EGFR: variants seen among roughly 807,000 people sequenced by gnomAD.
EGFR encodes the protein avian erythroblastic leukemia viral (v-erb-b) oncogene homolog.
Under a neutral mutation model 143.0 loss-of-function variants are expected in EGFR, and 58 were observed. The observed-to-expected ratio is 0.41, with a 90% CI of 0.33 to 0.50. The LOEUF (loss-of-function observed/expected upper bound fraction) is 0.50, where lower values mean the gene tolerates loss of function less well. EGFR is among the 20% of genes least tolerant of loss of function. The probability of loss-of-function intolerance (pLI) is 0.39; values close to 1 mark genes in which losing one functional copy is unlikely to be tolerated. For synonymous variants in EGFR, 613 were observed against 594.4 expected, an observed-to-expected ratio of 1.03 and a Z score of -0.45; for missense variants, 1,307 against 1,579.0, an observed-to-expected ratio of 0.83 and a Z score of 2.92.
intron 27 of EGFR, among the ~76,000 whole-genome samples, chr7:55,204,118 A>G (rs568800848): frequency 4.0e-5 from 6 of 151,646 alleles, no homozygotes; most frequent in Admixed American, 1.3e-4. Context: ...GTTAAGGCAG[A>G]TGATATACCT....
chr7:55,176,035 A>T (rs1421085714), intron 19 of EGFR, among the ~76,000 whole-genome samples: 1 of 152,260 alleles, frequency 6.6e-6, no homozygotes, highest in Non-Finnish European at 1.5e-5. Flanking sequence ...TAGTAACAAA[A>T]TGTTAAGTCT....
chr7:55,082,784 C>A (rs1237842940), intron 1 of EGFR, among the ~76,000 whole-genome samples: 1 of 152,168 alleles, frequency 6.6e-6, no homozygotes, highest in African/African-American at 2.4e-5. Context: ...TAAGAAGCTG[C>A]AGATTTATTT....
intron 27 of EGFR, among the ~76,000 whole-genome samples, chr7:55,204,648 A>G (rs1360723520): frequency 7.2e-6 from 1 of 138,284 alleles, no homozygotes; most frequent in Non-Finnish European, 1.6e-5. Flanking sequence ...ACATACATAC[A>G]CATACACACA....
intron 1 of EGFR, among the ~76,000 whole-genome samples, chr7:55,062,379 G>A (rs1386601790): frequency 6.6e-6 from 1 of 152,132 alleles, no homozygotes; most frequent in Non-Finnish European, 1.5e-5. Flanking sequence ...CACTGAAAAG[G>A]TTAAACAGTA....
Position 55,208,772 on chromosome 7 carries a change from A to T in EGFR, c.*3155A>T, listed in dbSNP as rs1326380460. Reference sequence around the variant, plus strand: ...CCACCCCTGCCTCACAACTGCAGACATAAGGGGACTATGGATTGCTTAGCA... The same window carrying T: ...CCACCCCTGCCTCACAACTGCAGACTTAAGGGGACTATGGATTGCTTAGCA... On this transcript the variant is annotated 3_prime_UTR_variant, in exon 28 of 28. Transcript: ENST00000275493. 1 of 152,196 alleles carries T rather than the reference A, an allele frequency of 6.6e-6. No individual in the cohort carries two copies. The highest frequency in any genetic ancestry group is 2.1e-4 in the South Asian group (1 of 4,826). The allele number at this position is 152,196 out of a possible 1,614,324, so 9.4% of individuals were successfully genotyped here. A position where few individuals can be genotyped will look rare whatever the true frequency, so the allele number is the denominator to read the frequency against.
chr7:55,112,208 G>T (rs1792544564), intron 1 of EGFR, among the ~76,000 whole-genome samples: 1 of 152,238 alleles, frequency 6.6e-6, no homozygotes, highest in Admixed American at 6.5e-5. Flanking sequence ...GGGTCTCATT[G>T]TGACTCACTT....
At position 55,138,807 on chromosome 7, in the gene EGFR, T is replaced by G. The variant is rs147007007; in HGVS notation, c.89-3479T>G. On this transcript the variant is annotated intron_variant, in intron 1 of 27. Transcript: ENST00000275493. ...TAATTTATAAAGAAAATAAATGTAT[T>G]TGGCTCATGGTTCTGGTGGCTGGGA... Among the ~76,000 whole-genome samples, 563 of 152,340 alleles carry G rather than the reference T, an allele frequency of 3.7e-3. 3 individuals are homozygous for G. The highest frequency in any genetic ancestry group is 0.013 in the African/African-American group (530 of 41,576).
chr7:55,114,848 A>G (rs1792733118), intron 1 of EGFR, among the ~76,000 whole-genome samples: 1 of 151,568 alleles, frequency 6.6e-6, no homozygotes, highest in Non-Finnish European at 1.5e-5. Flanking sequence ...TGTAGAAATA[A>G]TGAAACACTG....
intron 1 of EGFR, among the ~76,000 whole-genome samples, chr7:55,041,379 C>T (rs1265669918): frequency 6.6e-6 from 1 of 152,088 alleles, no homozygotes; most frequent in Non-Finnish European, 1.5e-5. Context: ...CCATTGCACT[C>T]CAGCCTGGGC....
At chr7:55,112,601 C>G (rs73135263) in intron 1 of EGFR, among the ~76,000 whole-genome samples, 1,624 of 152,258 alleles carry the variant, frequency 0.011, 8 homozygotes, top group Middle Eastern at 0.02. Flanking sequence ...AGTGGCTGGC[C>G]GAGCCTCAGC....
chr7:55,185,382 C>T (rs183330882), intron 20 of EGFR, among the ~76,000 whole-genome samples: 4 of 152,336 alleles, frequency 2.6e-5, no homozygotes, highest in East Asian at 1.9e-4. Flanking sequence ...TTAAGTTAGA[C>T]TTAAGAAAGC....
At chr7:55,042,687 C>A (rs569229929) in intron 1 of EGFR, among the ~76,000 whole-genome samples, 15 of 152,064 alleles carry the variant, frequency 9.9e-5, no homozygotes, top group Middle Eastern at 6.8e-3. Flanking sequence ...AATTATCCAA[C>A]CAGAAGACAT....
intron 22 of EGFR, among the ~76,000 whole-genome samples, chr7:55,193,365 G>T (rs1787484313): frequency 6.6e-6 from 1 of 151,426 alleles, no homozygotes. Context: ...AGGACCATCT[G>T]GTCCGGCCCT....
At position 55,055,723 on chromosome 7, in the gene EGFR, C is replaced by CA. The variant is rs1554318493; in HGVS notation, c.88+36358_88+36359insA. 2.3e-3 allele frequency among the ~76,000 whole-genome samples: 348 copies of CA among 148,320 alleles called. 1 individual carries two copies. The highest frequency in any genetic ancestry group is 8.1e-3 in the African/African-American group (327 of 40,416). On this transcript the variant is annotated intron_variant, in intron 1 of 27. Coordinates refer to ENST00000275493, the MANE Select transcript of EGFR (RefSeq NM_005228.5). ...TTGCACGCACACACACACACACACA[C>CA]CACACACACACACACACCACACACA...
intron 1 of EGFR, among the ~76,000 whole-genome samples, chr7:55,066,310 G>C (rs1789499174): frequency 6.6e-6 from 1 of 152,352 alleles, no homozygotes; most frequent in African/African-American, 2.4e-5. Flanking sequence ...ATGAGGCACT[G>C]TCGTGCCAGC....
chr7:55,203,601 G>A lies in EGFR; in HGVS notation c.3271+976G>A, dbSNP rs62637524. Among the ~76,000 whole-genome samples, 29 of 97,042 alleles carry A rather than the reference G, an allele frequency of 3.0e-4. 1 individual carries two copies. In the East Asian group the frequency reaches 6.3e-3, roughly 21 times the overall value. 63.7% of individuals were successfully genotyped at this position (97,042 alleles called of 152,430 possible). On this transcript the variant is annotated intron_variant, in intron 27 of 27. Coordinates refer to ENST00000275493, the MANE Select transcript of EGFR (RefSeq NM_005228.5). The stretch of plus-strand genomic sequence containing the variant: ...ACGCCACACACACACCACAAAAACC[G>A]CACACACATACAAACATATACACAC...
intron 19 of EGFR, among the ~76,000 whole-genome samples, chr7:55,177,647 C>A (rs967545492): frequency 5.9e-5 from 9 of 152,152 alleles, no homozygotes; most frequent in African/African-American, 2.2e-4. Flanking sequence ...ATGAGAGAGA[C>A]AAGCCAGAAG....
In EGFR at chr7:55,205,764, G is replaced by T; in HGVS notation, c.*147G>T. The T allele has an allele frequency of 7.8e-7, 1 of 1,274,734 alleles. No homozygotes were observed. Among genetic ancestry groups the T allele is most frequent in the East Asian group, 2.4e-5 (1 of 41,750 alleles). The allele number at this position is 1,274,734 out of a possible 1,614,324, so 79.0% of individuals were successfully genotyped here. The stretch of plus-strand genomic sequence containing the variant: ...TGCAACGTTTACACCGACTAGCCAG[G>T]AAGTACTTCCACCTCGGGCACATTT... On this transcript the variant is annotated 3_prime_UTR_variant, in exon 28 of 28. Transcript: ENST00000275493.
chr7:55,055,723 C>CCACACACACACACCA, intron 1 of EGFR, among the ~76,000 whole-genome samples: 1 of 148,338 alleles, frequency 6.7e-6, no homozygotes, highest in Admixed American at 6.7e-5. Flanking sequence ...CACACACACA[C>CCACACACACACACCA]CACACACACA....
Sources: gnomAD v4.1 joint callset for allele counts (sites outside exome capture counted in the v4.1 genomes callset) on GRCh38, gnomAD v4.1.1 for gene constraint, MANE v1.5 for transcripts, NCBI Gene and HGNC (gene_info 2026-07-23, HGNC 2026-07-21) for gene names.